Variants in PAK4 observed in about 807,000 individuals in gnomAD.
PAK4 encodes serine/threonine-protein kinase PAK 4.
A neutral mutation model predicts 53.5 loss-of-function variants in PAK4; 49 were observed. That is an observed-to-expected ratio of 0.92 (90% CI 0.73 to 1.16). The LOEUF (loss-of-function observed/expected upper bound fraction) is 1.16, where lower values mean the gene tolerates loss of function less well. Among genes scored for constraint, PAK4 ranks in the 50% most tolerant of loss-of-function variants. PAK4 has a pLI of 0.00. For synonymous variants in PAK4, 376 were observed against 375.6 expected, an observed-to-expected ratio of 1.00 and a Z score of -0.01; for missense variants, 824 against 850.7, an observed-to-expected ratio of 0.97 and a Z score of 0.39.
intron 1 of PAK4, among the ~76,000 whole-genome samples, chr19:39,149,694 A>G (rs1428917920): frequency 1.3e-5 from 2 of 152,136 alleles, no homozygotes; most frequent in Admixed American, 1.3e-4. Flanking sequence ...GTCTCTACTA[A>G]AAATATAAAA....
At chr19:39,143,886 T>C (rs1450343053) in intron 1 of PAK4, among the ~76,000 whole-genome samples, 1 of 151,142 alleles carries the variant, frequency 6.6e-6, no homozygotes, top group East Asian at 1.9e-4. Context: ...GTGGGAGGAT[T>C]GCTTGAGCCC....
chr19:39,158,110 G>C (rs1278489444), intron 1 of PAK4, among the ~76,000 whole-genome samples: 1 of 151,782 alleles, frequency 6.6e-6, no homozygotes, highest in African/African-American at 2.4e-5. Flanking sequence ...ATGCATGTGA[G>C]CATTGTGTGA....
chr19:39,130,684 G>C (rs900635864), intron 1 of PAK4, among the ~76,000 whole-genome samples: 1 of 151,508 alleles, frequency 6.6e-6, no homozygotes, highest in Non-Finnish European at 1.5e-5. Context: ...AAATAAAAAA[G>C]CAAAAAAAAG....
Position 39,161,557 on chromosome 19 carries a change from C to T in PAK4, c.-22-7975C>T, listed in dbSNP as rs2074284379. Reference sequence around the variant, plus strand: ...ATCACAGCCTCCTCCTCCCTGGTCCCCCTTTCCGTTCTGCCCCCACAGACT... The same window carrying T: ...ATCACAGCCTCCTCCTCCCTGGTCCTCCTTTCCGTTCTGCCCCCACAGACT... On this transcript the variant is annotated intron_variant, in intron 1 of 8. Coordinates refer to ENST00000358301, the Ensembl canonical transcript of PAK4. The surrounding 1 kb of genome is among the most constrained non-coding windows in gnomAD (Gnocchi z 4.5). Among the ~76,000 whole-genome samples, 1 of 151,996 alleles carries T rather than the reference C, an allele frequency of 6.6e-6. No individual in the cohort carries two copies. Among genetic ancestry groups the T allele is most frequent in the Non-Finnish European group, 1.5e-5 (1 of 67,964 alleles).
Position 39,173,131 on chromosome 19 carries a change from G to T in PAK4, c.418G>T (p.Gly140Cys), listed in dbSNP as rs565180656. The change falls in exon 3 of 9, where the codon GGT (glycine) becomes TGT (cysteine). Residue 140 changes from glycine to cysteine, a missense_variant. Physicochemically the swap from Gly to Cys is radical, Grantham distance 159. Transcript: ENST00000358301. The surrounding 1 kb of genome is among the most constrained non-coding windows in gnomAD (Gnocchi z 6.9). ...GGCAGGCAGCCGAGGCCGGTTCGCC[G>T]GTCACAGCGAGGCGGGTGGCGGCAG... is the stretch of plus-strand genomic sequence containing the variant. 6.5e-7 allele frequency: 1 copy of T among 1,547,116 alleles called. No individual in the cohort carries two copies. Among genetic ancestry groups the T allele is most frequent in the East Asian group, 2.4e-5 (1 of 40,884 alleles).
chr19:39,154,796 G>GCCCCACC (rs1227152430), intron 1 of PAK4, among the ~76,000 whole-genome samples: 1 of 151,764 alleles, frequency 6.6e-6, no homozygotes, highest in Non-Finnish European at 1.5e-5. Flanking sequence ...CTCGACAAAT[G>GCCCCACC]CCCCACCCCC....
intron 1 of PAK4, among the ~76,000 whole-genome samples, chr19:39,147,380 G>C (rs975172429): frequency 6.6e-6 from 1 of 152,140 alleles, no homozygotes; most frequent in African/African-American, 2.4e-5. Context: ...ATGCCCCACC[G>C]TTTGTTTAAC....
At chr19:39,152,703 G>C (rs971625558) in intron 1 of PAK4, among the ~76,000 whole-genome samples, 3 of 152,094 alleles carry the variant, frequency 2.0e-5, no homozygotes, top group East Asian at 1.9e-4. Flanking sequence ...CATTACGTTT[G>C]GGGGGGTGGA....
chr19:39,152,702 T>TG (rs1234888657), intron 1 of PAK4, among the ~76,000 whole-genome samples: 2 of 152,088 alleles, frequency 1.3e-5, no homozygotes, highest in Non-Finnish European at 1.5e-5. Flanking sequence ...GCATTACGTT[T>TG]GGGGGGGTGG....
intron 2 of PAK4, 99 bp downstream of exon 3, chr19:39,169,856 C>G: frequency 1.2e-6 from 1 of 845,036 alleles, no homozygotes; most frequent in Non-Finnish European, 1.8e-6. Flanking sequence ...CACCTCCTCA[C>G]TGACATGGAA....
At chr19:39,145,387 T>C (rs907677889) in intron 1 of PAK4, among the ~76,000 whole-genome samples, 1 of 152,200 alleles carries the variant, frequency 6.6e-6, no homozygotes. Flanking sequence ...TCTTGAGATT[T>C]CTCTGGGTGG....
intron 1 of PAK4, among the ~76,000 whole-genome samples, chr19:39,126,617 A>C (rs1483756795): frequency 6.6e-6 from 1 of 152,112 alleles, no homozygotes; most frequent in African/African-American, 2.4e-5. Flanking sequence ...GGGGGTCTTA[A>C]CCTGGTATTA....
chr19:39,135,630 C>A (rs1439883578), intron 1 of PAK4, among the ~76,000 whole-genome samples: 1 of 152,050 alleles, frequency 6.6e-6, no homozygotes, highest in Non-Finnish European at 1.5e-5. Context: ...CCACTGCGCC[C>A]TGCCCAAGCG....
At chr19:39,171,936 G>GA (rs762956111) in intron 2 of PAK4, among the ~76,000 whole-genome samples, 25 of 152,224 alleles carry the variant, frequency 1.6e-4, no homozygotes, top group Non-Finnish European at 3.5e-4. Flanking sequence ...AAGCAGACAG[G>GA]AAAAAACAAT....
intron 2 of PAK4, among the ~76,000 whole-genome samples, chr19:39,171,995 G>A (rs982314568): frequency 1.3e-5 from 2 of 152,252 alleles, no homozygotes; most frequent in East Asian, 3.8e-4. Context: ...ACAGATGCCT[G>A]TGTGCTCTGT....
intron 1 of PAK4, among the ~76,000 whole-genome samples, chr19:39,158,085 T>C (rs940665555): frequency 4.6e-5 from 7 of 151,698 alleles, no homozygotes; most frequent in African/African-American, 1.7e-4. Context: ...CATGTGTGTG[T>C]GTGCATGTGT....
chr19:39,174,972 G>A (rs752225229), exon 5 of PAK4: 1 of 1,613,864 alleles, frequency 6.2e-7, no homozygotes, highest in African/African-American at 1.3e-5. Flanking sequence ...ATGTGGTGGA[G>A]ATGTACAACA....
At chr19:39,169,386 G>A (rs565838838) in intron 1 of PAK4, 146 bp from the exon 3 acceptor site, 64 of 644,416 alleles carry the variant, frequency 9.9e-5, no homozygotes, top group Admixed American at 3.6e-4. Flanking sequence ...ACAGATGGGC[G>A]CAGGGGGTGG....
intron 1 of PAK4, chr19:39,152,186 A>G (rs2074103910): frequency 6.6e-6 from 1 of 150,852 alleles, no homozygotes; most frequent in African/African-American, 2.4e-5. Flanking sequence ...CTCCTGCTTC[A>G]GCCTCCCAAA....
Sources: allele counts gnomAD v4.1 joint callset (sites outside exome capture counted in the v4.1 genomes callset), GRCh38; gene constraint gnomAD v4.1.1; non-coding constraint Gnocchi (gnomAD v3.1); transcripts MANE v1.5; gene names NCBI Gene and HGNC (gene_info 2026-07-23, HGNC 2026-07-21).